The following LRRC4C variants were observed in gnomAD, a reference collection of about 807,000 sequenced individuals.
The protein encoded by LRRC4C is leucine-rich repeat-containing protein 4C.
Under a neutral mutation model 33.6 loss-of-function variants are expected in LRRC4C, and 5 were observed. The observed-to-expected ratio is 0.15, with a 90% CI of 0.08 to 0.31. LRRC4C has a LOEUF of 0.31. Ranked by LOEUF, LRRC4C falls within the 10% of genes least tolerant of loss-of-function variation. The pLI, the probability that LRRC4C is intolerant of heterozygous loss-of-function variation, is 1.00. For missense variants in LRRC4C, 560 were observed against 796.7 expected, an observed-to-expected ratio of 0.70 and a Z score of 3.58; for synonymous variants, 329 against 302.0, an observed-to-expected ratio of 1.09 and a Z score of -0.93.
In LRRC4C at chr11:40,502,334, C is replaced by T. The variant is rs142691006; in HGVS notation, c.-270+145808G>A. On this transcript the variant is annotated intron_variant, in intron 3 of 6. Transcript: ENST00000528697. ...ATTTTTGGGTATCTTTTCAGCAGTGCCCCCACTCTATTGGCACCAATTTAC... is the reference window on the plus strand; with the variant it reads ...ATTTTTGGGTATCTTTTCAGCAGTGTCCCCACTCTATTGGCACCAATTTAC... Among the ~76,000 whole-genome samples, 81 of 152,218 alleles carry T rather than the reference C, an allele frequency of 5.3e-4. 1 individual carries two copies. The East Asian group carries it at 0.014, about 27-fold the overall frequency.
intron 3 of LRRC4C, among the ~76,000 whole-genome samples, chr11:40,494,637 AT>A (rs1333633797): frequency 6.6e-6 from 1 of 152,154 alleles, no homozygotes; most frequent in Non-Finnish European, 1.5e-5. Context: ...AACCACACAT[AT>A]AGACATAATA....
intron 1 of LRRC4C, among the ~76,000 whole-genome samples, chr11:41,271,484 T>C (rs1949318798): frequency 6.6e-6 from 1 of 152,118 alleles, no homozygotes; most frequent in African/African-American, 2.4e-5. Context: ...TGGTTTTTGC[T>C]TATTGCAGGG....
intron 3 of LRRC4C, among the ~76,000 whole-genome samples, chr11:40,525,122 A>AT (rs1368486506): frequency 6.6e-6 from 1 of 152,130 alleles, no homozygotes; most frequent in African/African-American, 2.4e-5. Context: ...AGAGATCAGC[A>AT]TATGTGGAAC....
intron 3 of LRRC4C, among the ~76,000 whole-genome samples, chr11:40,572,917 CTGAAT>C (rs1958041867): frequency 6.6e-6 from 1 of 152,070 alleles, no homozygotes; most frequent in African/African-American, 2.4e-5. Context: ...TCATTTTTTT[CTGAAT>C]TGAATTAACT....
At chr11:40,616,570 C>A (rs1470096269) in intron 3 of LRRC4C, among the ~76,000 whole-genome samples, 15 of 151,896 alleles carry the variant, frequency 9.9e-5, no homozygotes, top group Non-Finnish European at 2.9e-5. Flanking sequence ...CCATGGAATA[C>A]TATGCAGCCA....
At chr11:40,617,952 G>A (rs1030281809) in intron 3 of LRRC4C, among the ~76,000 whole-genome samples, 1 of 151,630 alleles carries the variant, frequency 6.6e-6, no homozygotes, top group Non-Finnish European at 1.5e-5. Flanking sequence ...TGATGTCTGA[G>A]TGCTAAAAGC....
At chr11:41,358,746 A>G (rs1952248181) in intron 1 of LRRC4C, among the ~76,000 whole-genome samples, 1 of 152,216 alleles carries the variant, frequency 6.6e-6, no homozygotes, top group African/African-American at 2.4e-5. Context: ...GCTGGTGAGG[A>G]TATGGAGCAA....
At chr11:41,182,769 C>T (rs11036277) in intron 1 of LRRC4C, among the ~76,000 whole-genome samples, 82,112 of 151,420 alleles carry the variant, frequency 0.54, 24,756 homozygotes, top group Non-Finnish European at 0.68. Context: ...ATTCTGTCTC[C>T]CGTGATGTAT....
chr11:40,349,702 G>C (rs756143912), intron 3 of LRRC4C, among the ~76,000 whole-genome samples: 1 of 152,078 alleles, frequency 6.6e-6, no homozygotes, highest in Non-Finnish European at 1.5e-5. Flanking sequence ...AGTGAATGGG[G>C]TTCCCTTTTC....
intron 1 of LRRC4C, among the ~76,000 whole-genome samples, chr11:41,283,746 C>A (rs754568369): frequency 2.6e-5 from 4 of 152,150 alleles, no homozygotes; most frequent in Non-Finnish European, 5.9e-5. Flanking sequence ...AAGAGGTTTG[C>A]TGATCCCTGC....
chr11:40,922,842 C>A (rs1244363509), intron 2 of LRRC4C, among the ~76,000 whole-genome samples: 1 of 151,358 alleles, frequency 6.6e-6, no homozygotes, highest in Non-Finnish European at 1.5e-5. Flanking sequence ...CTTTTTTTTT[C>A]AGAAGCAGAG....
chr11:41,003,747 T>A (rs572398486), intron 1 of LRRC4C, among the ~76,000 whole-genome samples: 12 of 152,036 alleles, frequency 7.9e-5, no homozygotes, highest in South Asian at 2.1e-4. Flanking sequence ...TATTATTCAC[T>A]GTGCACAATT....
chr11:40,728,790 AATAC>A (rs1381926121), intron 2 of LRRC4C, among the ~76,000 whole-genome samples: 1 of 152,196 alleles, frequency 6.6e-6, no homozygotes, highest in African/African-American at 2.4e-5. Context: ...ACCATGGAAT[AATAC>A]ATAGCCATAA....
intron 5 of LRRC4C, among the ~76,000 whole-genome samples, chr11:40,150,375 G>A (rs1345790685): frequency 6.6e-6 from 1 of 152,222 alleles, no homozygotes; most frequent in Non-Finnish European, 1.5e-5. Flanking sequence ...TGCAGGCCAG[G>A]TAAAGCAATT....
intron 2 of LRRC4C, among the ~76,000 whole-genome samples, chr11:40,770,020 T>TA (rs979963576): frequency 6.6e-6 from 1 of 151,870 alleles, no homozygotes; most frequent in Non-Finnish European, 1.5e-5. Flanking sequence ...CATATCAAGT[T>TA]AAAAAAAATT....
chr11:41,224,208 T>A (rs184211873), intron 1 of LRRC4C, among the ~76,000 whole-genome samples: 3 of 152,262 alleles, frequency 2.0e-5, no homozygotes, highest in African/African-American at 7.2e-5. Context: ...TTAGAGGGAA[T>A]CATCTGTTCT....
At chr11:40,413,995 A>G (rs1291750868) in intron 3 of LRRC4C, among the ~76,000 whole-genome samples, 1 of 152,018 alleles carries the variant, frequency 6.6e-6, no homozygotes, top group African/African-American at 2.4e-5. Context: ...AATTTTCATC[A>G]TTTTGTGTCA....
intron 1 of LRRC4C, among the ~76,000 whole-genome samples, chr11:40,989,502 G>A (rs1853345284): frequency 6.6e-6 from 1 of 152,108 alleles, no homozygotes; most frequent in African/African-American, 2.4e-5. Context: ...CCTCACTGAC[G>A]TCTGTGTTCC....
intron 1 of LRRC4C, among the ~76,000 whole-genome samples, chr11:41,006,264 TTAAG>T (rs1206047722): frequency 2.0e-5 from 3 of 152,318 alleles, no homozygotes; most frequent in Non-Finnish European, 2.9e-5. Context: ...CAGTTTTAAA[TTAAG>T]TAATTGCTGT....
Sources: allele counts gnomAD v4.1 joint callset (sites outside exome capture counted in the v4.1 genomes callset), GRCh38; gene constraint gnomAD v4.1.1; transcripts MANE v1.5; gene names NCBI Gene and HGNC (gene_info 2026-07-23, HGNC 2026-07-21).